The following LRRFIP2 variants were observed in gnomAD, a reference collection of about 807,000 sequenced individuals.
LRRFIP2 encodes leucine-rich repeat flightless-interacting protein 2.
Under a neutral mutation model 125.9 loss-of-function variants are expected in LRRFIP2, and 109 were observed. The ratio of observed to expected loss-of-function variants is 0.87; its 90% CI spans 0.74 to 1.01. The LOEUF (loss-of-function observed/expected upper bound fraction) is 1.01, where lower values mean the gene tolerates loss of function less well. Ranked by LOEUF, LRRFIP2 falls within the 50% of genes least tolerant of loss-of-function variation. The pLI is 0.00. For missense variants in LRRFIP2, 850 were observed against 862.3 expected (o/e 0.99, Z 0.18); for synonymous variants, 291 against 293.1 (o/e 0.99, Z 0.07).
chr3:37,112,657 T>G (rs1160650680), intron 8 of LRRFIP2, among the ~76,000 whole-genome samples: 1 of 152,212 alleles, frequency 6.6e-6, no homozygotes, highest in Non-Finnish European at 1.5e-5. Flanking sequence ...TGAGGTATAT[T>G]CCAAAGGACA....
At chr3:37,069,625 C>A (rs770213268) in intron 21 of LRRFIP2, among the ~76,000 whole-genome samples, 8 of 152,122 alleles carry the variant, frequency 5.3e-5, no homozygotes, top group Non-Finnish European at 1.2e-4. Flanking sequence ...CTAAAAAGTT[C>A]TATGGTGGTG....
chr3:37,162,900 T>C (rs1324058211), intron 1 of LRRFIP2, among the ~76,000 whole-genome samples: 2 of 152,344 alleles, frequency 1.3e-5, no homozygotes, highest in East Asian at 3.9e-4. Context: ...TCCTGGAGCC[T>C]AGATGGGCTG....
chr3:37,055,294 G>GT, intron 25 of LRRFIP2, 129 bp from the exon 26 acceptor site: 1 of 546,958 alleles, frequency 1.8e-6, no homozygotes, highest in East Asian at 3.3e-5. Flanking sequence ...GCTGGGCGCG[G>GT]TGACTCACGC....
At chr3:37,144,677 T>G (rs1184819118) in intron 2 of LRRFIP2, among the ~76,000 whole-genome samples, 2 of 152,188 alleles carry the variant, frequency 1.3e-5, no homozygotes, top group Non-Finnish European at 2.9e-5. Context: ...ATCACAGTGT[T>G]GATGGTGCTA....
chr3:37,174,209 A>G (rs2096625366), intron 1 of LRRFIP2: 1 of 152,232 alleles, frequency 6.6e-6, no homozygotes, highest in African/African-American at 2.4e-5. Flanking sequence ...ATAAATGAAA[A>G]TCAAGGTAAA....
chr3:37,100,336 ATATG>A (rs1427797307), intron 15 of LRRFIP2, among the ~76,000 whole-genome samples: 2 of 151,544 alleles, frequency 1.3e-5, no homozygotes, highest in African/African-American at 4.9e-5. Flanking sequence ...TTAAAAAAAT[ATATG>A]TATGTATGCG....
At chr3:37,162,819 T>C (rs926247253) in intron 1 of LRRFIP2, among the ~76,000 whole-genome samples, 26 of 152,162 alleles carry the variant, frequency 1.7e-4, no homozygotes, top group African/African-American at 6.3e-4. Context: ...GGCACATCCA[T>C]TTAACATGAG....
At chr3:37,169,598 A>G (rs1458167677) in intron 1 of LRRFIP2, among the ~76,000 whole-genome samples, 2 of 152,260 alleles carry the variant, frequency 1.3e-5, no homozygotes, top group Admixed American at 6.5e-5. Flanking sequence ...ACAGTACGGT[A>G]TACTCTAACT....
intron 1 of LRRFIP2, among the ~76,000 whole-genome samples, chr3:37,162,093 T>C (rs923323281): frequency 1.4e-5 from 2 of 143,154 alleles, no homozygotes; most frequent in African/African-American, 5.2e-5. Context: ...GAGGTCGAGG[T>C]TGTAGTGAGT....
chr3:37,122,388 T>C, intron 4 of LRRFIP2, among the ~76,000 whole-genome samples: 1 of 152,104 alleles, frequency 6.6e-6, no homozygotes, highest in Admixed American at 6.5e-5. Flanking sequence ...CTTGGAATGG[T>C]CTGTATAAGA....
At chr3:37,135,870 C>T (rs2095544609) in intron 2 of LRRFIP2, among the ~76,000 whole-genome samples, 1 of 152,194 alleles carries the variant, frequency 6.6e-6, no homozygotes, top group South Asian at 2.1e-4. Flanking sequence ...GGCACAATTG[C>T]TGTGTGAACT....
intron 7 of LRRFIP2, 95 bp downstream of exon 7, chr3:37,114,959 C>T: frequency 1.0e-6 from 1 of 1,004,358 alleles, no homozygotes; most frequent in Non-Finnish European, 1.5e-6. Flanking sequence ...AAGTTCATAA[C>T]AAAGCCATGA....
At position 37,077,196 on chromosome 3, in the gene LRRFIP2, C is replaced by G. The variant is rs192072578; in HGVS notation, c.1279-2080G>C. The stretch of plus-strand genomic sequence containing the variant: ...GCAATCTCACTCTTCATCATAGATA[C>G]ATTGGCAAAAATACAAAAAGACCTA... On this transcript the variant is annotated intron_variant, in intron 19 of 27. Coordinates refer to ENST00000336686, the MANE Select transcript of LRRFIP2 (RefSeq NM_006309.4). 1.1e-4 allele frequency among the ~76,000 whole-genome samples: 16 copies of G among 152,278 alleles called. No homozygotes were observed. The East Asian group carries it at 2.7e-3, about 26-fold the overall frequency.
chr3:37,170,089 T>C (rs562135477), intron 1 of LRRFIP2, among the ~76,000 whole-genome samples: 127 of 152,312 alleles, frequency 8.3e-4, no homozygotes, highest in African/African-American at 2.7e-3. Context: ...ATTATCATCA[T>C]CATCATTCTC....
At chr3:37,098,353 G>C (rs1340362556) in intron 15 of LRRFIP2, among the ~76,000 whole-genome samples, 1 of 150,570 alleles carries the variant, frequency 6.6e-6, no homozygotes, top group Non-Finnish European at 1.5e-5. Flanking sequence ...ATGTATACAT[G>C]TGCCATGCTG....
Position 37,158,349 on chromosome 3 carries a change from G to A in LRRFIP2, c.-55-9311C>T, listed in dbSNP as rs557427879. On this transcript the variant is annotated intron_variant, in intron 1 of 27. Transcript: ENST00000336686. Reference sequence around the variant, plus strand: ...AGGCCAGGCACGGTGGCTCATGCCTGTAATCCCAGCACTTTGGGAGGTCAA... The same window carrying A: ...AGGCCAGGCACGGTGGCTCATGCCTATAATCCCAGCACTTTGGGAGGTCAA... Among the ~76,000 whole-genome samples, 16 of 152,322 alleles carry A rather than the reference G, an allele frequency of 1.1e-4. No individual in the cohort carries two copies. In the East Asian group the frequency reaches 2.9e-3, roughly 27 times the overall value.
rs2096614407 is a variant in LRRFIP2 at position 37,173,499 on chromosome 3, C to A, written c.-56+1040G>T. Among the ~76,000 whole-genome samples, 4 of 152,300 alleles carry A rather than the reference C, an allele frequency of 2.6e-5. No homozygotes were observed. The South Asian group carries it at 8.3e-4, about 32-fold the overall frequency. ...ACAGATTATATTCTTTATTTGCAGACTGAACAAAGTAGTACATTTTCCCTA... is the reference window on the plus strand; with the variant it reads ...ACAGATTATATTCTTTATTTGCAGAATGAACAAAGTAGTACATTTTCCCTA... On this transcript the variant is annotated intron_variant, in intron 1 of 27. Coordinates refer to ENST00000336686, the MANE Select transcript of LRRFIP2 (RefSeq NM_006309.4).
At chr3:37,091,781 TCTGTTAATAACA>T (rs2093454766) in intron 17 of LRRFIP2, among the ~76,000 whole-genome samples, 1 of 152,178 alleles carries the variant, frequency 6.6e-6, no homozygotes, top group Admixed American at 6.6e-5. Flanking sequence ...GGCATTAAAT[TCTGTTAATAACA>T]GTGTAGCAAA....
chr3:37,139,613 T>C (rs1371339988), intron 2 of LRRFIP2, among the ~76,000 whole-genome samples: 2 of 152,120 alleles, frequency 1.3e-5, no homozygotes, highest in African/African-American at 4.8e-5. Context: ...CTGCCTCTTC[T>C]GTTGTTGAAA....
Sources: gnomAD v4.1 joint callset for allele counts (sites outside exome capture counted in the v4.1 genomes callset) on GRCh38, gnomAD v4.1.1 for gene constraint, MANE v1.5 for transcripts, NCBI Gene and HGNC (gene_info 2026-07-23, HGNC 2026-07-21) for gene names.